Variants in UMAD1 observed in about 807,000 individuals in gnomAD.
UMAD1 encodes UBAP1-MVB12-associated (UMA) domain containing 1, also known as UBAP1-MVB12-associated (UMA)-domain containing protein 1.
Under a neutral mutation model 6.1 loss-of-function variants are expected in UMAD1, and 8 were observed. That is an observed-to-expected ratio of 1.30 (90% confidence interval 0.76 to 2.35). UMAD1 has a LOEUF of 2.35. Ranked by LOEUF, UMAD1 falls within the 30% of genes most tolerant of loss-of-function variation. The pLI, the probability that UMAD1 is intolerant of heterozygous loss-of-function variation, is 0.00. For missense variants in UMAD1, 130 were observed against 78.4 expected, an observed-to-expected ratio of 1.66 and a Z score of -2.49; for synonymous variants, 56 against 31.4, an observed-to-expected ratio of 1.78 and a Z score of -2.61.
intron 2 of UMAD1, among the ~76,000 whole-genome samples, chr7:7,795,529 A>C (rs1347681187): frequency 1.3e-5 from 2 of 152,234 alleles, no homozygotes; most frequent in Admixed American, 1.3e-4. Flanking sequence ...TTTATTAAGC[A>C]AGTAAAGGAG....
intron 3 of UMAD1, among the ~76,000 whole-genome samples, chr7:7,846,733 A>T (rs961977537): frequency 1.8e-4 from 28 of 152,040 alleles, no homozygotes; most frequent in Non-Finnish European, 4.0e-4. Flanking sequence ...CCAGAATTTC[A>T]AATATTTTAA....
At chr7:7,776,328 A>G (rs1401673645) in intron 2 of UMAD1, among the ~76,000 whole-genome samples, 1 of 152,178 alleles carries the variant, frequency 6.6e-6, no homozygotes, top group Non-Finnish European at 1.5e-5. Flanking sequence ...AATGCAATCA[A>G]TATGGGGAAT....
intron 2 of UMAD1, chr7:7,742,290 T>C (rs1376798441): frequency 4.6e-6 from 3 of 650,158 alleles, no homozygotes; most frequent in Non-Finnish European, 2.9e-6. Flanking sequence ...TCTGTCTTCT[T>C]CATGGCCGAC....
intron 1 of UMAD1, among the ~76,000 whole-genome samples, chr7:7,642,460 G>A (rs7796049): frequency 0.2 from 23,271 of 114,724 alleles, 2,024 homozygotes; most frequent in Middle Eastern, 0.24. Context: ...TGCGTACCCT[G>A]TAATAGTGAT....
rs530789571 is a variant in UMAD1 at position 7,827,966 on chromosome 7, A to G, written c.156+26223A>G. 3.3e-5 allele frequency among the ~76,000 whole-genome samples: 5 copies of G among 152,344 alleles called. No individual in the cohort carries two copies. The South Asian group carries it at 1.0e-3, about 32-fold the overall frequency. Reference sequence around the variant, plus strand: ...TGTTATAGATGACTTTTGTTTGGCAAACAATTATTCAAGAAGCCACTATAA... The same window carrying G: ...TGTTATAGATGACTTTTGTTTGGCAGACAATTATTCAAGAAGCCACTATAA... On this transcript the variant is annotated intron_variant, in intron 3 of 3. Coordinates refer to ENST00000682710, the MANE Select transcript of UMAD1 (RefSeq NM_001302348.2).
chr7:7,692,349 C>T (rs951273658), intron 2 of UMAD1: 1 of 152,060 alleles, frequency 6.6e-6, no homozygotes, highest in Non-Finnish European at 1.5e-5. Context: ...CTCCTGCAGA[C>T]CACGTGGTAG....
intron 3 of UMAD1, among the ~76,000 whole-genome samples, chr7:7,871,123 T>C (rs1008345070): frequency 6.6e-5 from 10 of 152,322 alleles, no homozygotes; most frequent in Admixed American, 4.6e-4. Context: ...CAGGGATAAA[T>C]ATATCTTAAA....
intron 2 of UMAD1, among the ~76,000 whole-genome samples, chr7:7,759,835 A>C (rs1192553523): frequency 6.6e-6 from 1 of 152,192 alleles, no homozygotes; most frequent in Non-Finnish European, 1.5e-5. Flanking sequence ...GAACAGTAAG[A>C]GAAGTGGCTC....
chr7:7,857,783 G>C (rs567238632), intron 3 of UMAD1, among the ~76,000 whole-genome samples: 2 of 152,250 alleles, frequency 1.3e-5, no homozygotes, highest in African/African-American at 4.8e-5. Flanking sequence ...AGCCAACAAT[G>C]TTTTTCCCCC....
At chr7:7,850,166 C>A (rs1029150047) in intron 3 of UMAD1, among the ~76,000 whole-genome samples, 8 of 152,100 alleles carry the variant, frequency 5.3e-5, no homozygotes, top group Non-Finnish European at 7.4e-5. Flanking sequence ...TAAAAACTAT[C>A]TATCCCCATG....
intron 3 of UMAD1, among the ~76,000 whole-genome samples, chr7:7,859,167 A>T (rs924865921): frequency 4.6e-5 from 7 of 152,044 alleles, no homozygotes; most frequent in Non-Finnish European, 2.9e-5. Flanking sequence ...TATTATAATA[A>T]TTTTTCTACA....
intron 3 of UMAD1, among the ~76,000 whole-genome samples, chr7:7,867,321 G>A (rs1784251233): frequency 6.6e-6 from 1 of 152,142 alleles, no homozygotes; most frequent in Admixed American, 6.5e-5. Context: ...TACTTTTGGG[G>A]GAGTGGAAGA....
intron 3 of UMAD1, among the ~76,000 whole-genome samples, chr7:7,844,753 C>A (rs1252806664): frequency 6.6e-6 from 1 of 152,142 alleles, no homozygotes; most frequent in Non-Finnish European, 1.5e-5. Context: ...TTTCTCATCC[C>A]TACCCTCCAG....
intron 2 of UMAD1, among the ~76,000 whole-genome samples, chr7:7,792,906 A>C (rs1782596581): frequency 6.6e-6 from 1 of 152,126 alleles, no homozygotes; most frequent in African/African-American, 2.4e-5. Flanking sequence ...AGCTCTCTTC[A>C]ACCCCTTCTA....
chr7:7,842,620 A>ATT (rs1783704513), intron 3 of UMAD1, among the ~76,000 whole-genome samples: 6 of 151,270 alleles, frequency 4.0e-5, no homozygotes, highest in African/African-American at 9.8e-5. Flanking sequence ...CTTTTTTTAA[A>ATT]AAAAAAAAAA....
At chr7:7,745,126 G>C (rs545975085) in intron 2 of UMAD1, among the ~76,000 whole-genome samples, 1 of 152,128 alleles carries the variant, frequency 6.6e-6, no homozygotes, top group East Asian at 1.9e-4. Context: ...TAGAGAAGAG[G>C]AACTATTCTT....
chr7:7,668,861 C>T (rs895637332), intron 1 of UMAD1, among the ~76,000 whole-genome samples: 3 of 152,186 alleles, frequency 2.0e-5, no homozygotes, highest in Non-Finnish European at 4.4e-5. Context: ...CTCAAGGCCT[C>T]AGGAGGAACC....
At position 7,673,312 on chromosome 7, in the gene UMAD1, GCA is replaced by G; in HGVS notation, c.-59_-58del. 4.8e-6 allele frequency: 1 copy of G among 210,432 alleles called. No individual in the cohort carries two copies. Among genetic ancestry groups the G allele is most frequent in the South Asian group, 7.7e-5 (1 of 12,980 alleles). 13.0% of individuals were successfully genotyped at this position (210,432 alleles called of 1,614,324 possible). A position where few individuals can be genotyped will look rare whatever the true frequency, so the allele number is the denominator to read the frequency against. On this transcript the variant is annotated 5_prime_UTR_variant, in exon 2 of 4. Coordinates refer to ENST00000682710, the MANE Select transcript of UMAD1 (RefSeq NM_001302348.2). ...TTGTGTAATGTTTCTATTTCAGGTA[GCA>G]GCAGCAGCAGCAGCAGCAGCAGCAG...
At chr7:7,827,189 A>C (rs1390736576) in intron 3 of UMAD1, among the ~76,000 whole-genome samples, 1 of 129,020 alleles carries the variant, frequency 7.8e-6, no homozygotes. Context: ...ATCACATGAA[A>C]ATTTAAATAA....
Sources: gnomAD v4.1 joint callset for allele counts (sites outside exome capture counted in the v4.1 genomes callset) on GRCh38, gnomAD v4.1.1 for gene constraint, MANE v1.5 for transcripts, NCBI Gene and HGNC (gene_info 2026-07-23, HGNC 2026-07-21) for gene names.